The following TMEM236 variants were observed in gnomAD, a reference collection of about 807,000 sequenced individuals.
TMEM236 encodes the protein transmembrane protein 236.
A neutral mutation model predicts 14.7 loss-of-function variants in TMEM236; 11 were observed. That is an observed-to-expected ratio of 0.75 (90% CI 0.47 to 1.24). The LOEUF (loss-of-function observed/expected upper bound fraction) is 1.24. TMEM236 is among the 50% of genes most tolerant of loss of function. The pLI is 0.00. For missense variants in TMEM236, 464 were observed against 427.3 expected (o/e 1.09, Z -0.76); for synonymous variants, 182 against 168.6 (o/e 1.08, Z -0.62).
intron 3 of TMEM236, among the ~76,000 whole-genome samples, chr10:17,789,601 C>A (rs1267670670): frequency 1.3e-5 from 2 of 152,262 alleles, no homozygotes; most frequent in East Asian, 3.9e-4. Flanking sequence ...CAGTGTTTAG[C>A]TGGGTGTGGA....
At chr10:17,774,965 T>C (rs969128087) in intron 2 of TMEM236, among the ~76,000 whole-genome samples, 1 of 151,826 alleles carries the variant, frequency 6.6e-6, no homozygotes, top group African/African-American at 2.4e-5. Context: ...GCCTGGCTAA[T>C]TTTTTTTGTA....
At chr10:17,783,458 G>A (rs903066715) in intron 3 of TMEM236, among the ~76,000 whole-genome samples, 5 of 152,132 alleles carry the variant, frequency 3.3e-5, no homozygotes, top group African/African-American at 9.7e-5. Flanking sequence ...AGAGGTGCCC[G>A]GTATGATGTT....
chr10:17,775,495 G>A (rs936336839), intron 2 of TMEM236, among the ~76,000 whole-genome samples: 2,958 of 152,180 alleles, frequency 0.019, 89 homozygotes, highest in African/African-American at 0.068. Context: ...GGTTGGTCTC[G>A]AGCTCCAGGC....
rs1838028270 is a variant in TMEM236, at chr10:17,797,032, CACCCCCAACCCT to C, written c.*529_*540del. The C allele has an allele frequency of 6.2e-6, 1 of 160,294 alleles. No individual in the cohort carries two copies. The highest frequency in any genetic ancestry group is 1.4e-5 in the Non-Finnish European group (1 of 72,280). 9.9% of individuals were successfully genotyped at this position (160,294 alleles called of 1,614,324 possible). A position where few individuals can be genotyped will look rare whatever the true frequency, so the allele number is the denominator to read the frequency against. ...ACAGTTTCATCCCAGAACCCAACCC[CACCCCCAACCCT>C]GGCTGTGGAAAAATTGTCTTCCACA... is the stretch of plus-strand genomic sequence containing the variant. On this transcript the variant is annotated 3_prime_UTR_variant, in exon 4 of 4. Coordinates refer to ENST00000377495, the MANE Select transcript of TMEM236 (RefSeq NM_001098844.3).
At chr10:17,757,123 A>G (rs1837295276) in intron 1 of TMEM236, among the ~76,000 whole-genome samples, 2 of 152,146 alleles carry the variant, frequency 1.3e-5, no homozygotes, top group Admixed American at 1.3e-4. Flanking sequence ...GCATTATCAT[A>G]TAGTTATCTT....
In TMEM236 at chr10:17,796,445, T is replaced by G. The variant is rs1468079927; in HGVS notation, c.997T>G (p.Tyr333Asp). 16 of 1,613,724 alleles carry G rather than the reference T, an allele frequency of 9.9e-6. No homozygotes were observed. Among genetic ancestry groups the G allele is most frequent in the South Asian group, 3.3e-5 (3 of 91,076 alleles). Reference protein sequence around the residue: ...KNILVTLSYIYFNYLTRIRIF... With the variant: ...KNILVTLSYIDFNYLTRIRIF... ...TATCCTCGTGACTCTCTCTTACATT[T>G]ACTTCAATTACCTAACCAGAATCAG... The change falls in exon 4 of 4, where the codon TAC (tyrosine) becomes GAC (aspartate). Residue 333 changes from tyrosine (Y) to aspartate (D), a missense_variant. By Grantham distance (160) the Tyr-to-Asp change is radical (BLOSUM62 -3). Coordinates refer to ENST00000377495, the MANE Select transcript of TMEM236 (RefSeq NM_001098844.3).
In TMEM236 at chr10:17,752,667, A is replaced by G. The variant is rs958913608; in HGVS notation, c.257+115A>G. On this transcript the variant is annotated intron_variant, in intron 1 of 3. Transcript: ENST00000377495. ...CTGCAACGTCCGCCTCCTGGGTTCA[A>G]GTGATTCTCCTGCCTCAGCCTCCTG... 13 of 1,035,778 alleles carry G rather than the reference A, an allele frequency of 1.3e-5. No homozygotes were observed. The African/African-American group carries it at 2.1e-4, about 16-fold the overall frequency. 64.2% of individuals were successfully genotyped at this position (1,035,778 alleles called of 1,614,324 possible).
chr10:17,786,624 T>A (rs993606551), intron 3 of TMEM236, among the ~76,000 whole-genome samples: 11 of 152,218 alleles, frequency 7.2e-5, no homozygotes, highest in African/African-American at 2.7e-4. Flanking sequence ...ACTTGCTATT[T>A]TGGGACCTTA....
chr10:17,788,990 T>C (rs1450156998), intron 3 of TMEM236, among the ~76,000 whole-genome samples: 5 of 152,322 alleles, frequency 3.3e-5, no homozygotes, highest in African/African-American at 1.2e-4. Context: ...GGAGTGGGGT[T>C]GAGGAGTGGG....
chr10:17,797,252 T>TA lies in TMEM236; in HGVS notation c.*754dup, dbSNP rs1838031849. 6.6e-6 allele frequency: 1 copy of TA among 151,908 alleles called. No homozygotes were observed. The allele number at this position is 151,908 out of a possible 1,614,324, so 9.4% of individuals were successfully genotyped here. A position where few individuals can be genotyped will look rare whatever the true frequency, so the allele number is the denominator to read the frequency against. On this transcript the variant is annotated 3_prime_UTR_variant, in exon 4 of 4. Transcript: ENST00000377495. ...TGAATTGATTGATTAAATTTAGTTT[T>TA]AAAAAACACACTTGAAATTATTGAA...
At chr10:17,753,238 G>T (rs1043172801) in intron 1 of TMEM236, among the ~76,000 whole-genome samples, 34 of 152,136 alleles carry the variant, frequency 2.2e-4, no homozygotes, top group Non-Finnish European at 3.4e-4. Context: ...TGCTTTCAAA[G>T]ATATATTTGT....
Position 17,790,995 on chromosome 10 carries a change from C to T in TMEM236, c.473-4926C>T, listed in dbSNP as rs1036255228. On this transcript the variant is annotated intron_variant, in intron 3 of 3. Coordinates refer to ENST00000377495, the MANE Select transcript of TMEM236 (RefSeq NM_001098844.3). ...TTAGAATAAAATCCAAAACTTTTATCCTGGACCATAAGACTCTCTATAATC... is the reference window on the plus strand; with the variant it reads ...TTAGAATAAAATCCAAAACTTTTATTCTGGACCATAAGACTCTCTATAATC... 2.2e-3 allele frequency among the ~76,000 whole-genome samples: 342 copies of T among 152,292 alleles called. 1 individual carries two copies. The highest frequency in any genetic ancestry group is 8.0e-3 in the African/African-American group (333 of 41,546).
At chr10:17,792,265 T>A (rs1294956198) in intron 3 of TMEM236, among the ~76,000 whole-genome samples, 1 of 152,186 alleles carries the variant, frequency 6.6e-6, no homozygotes, top group Non-Finnish European at 1.5e-5. Context: ...TGTTGTGTAT[T>A]TTTAGTAGGG....
At chr10:17,775,527 G>A (rs1407932607) in intron 2 of TMEM236, among the ~76,000 whole-genome samples, 1 of 152,212 alleles carries the variant, frequency 6.6e-6, no homozygotes, top group African/African-American at 2.4e-5. Flanking sequence ...TCCCACCTCA[G>A]CCCCGCAAAG....
In TMEM236 at chr10:17,752,569, T is replaced by C; in HGVS notation, c.257+17T>C. 2 of 1,610,840 alleles carry C rather than the reference T, an allele frequency of 1.2e-6. No individual in the cohort carries two copies. Among genetic ancestry groups the C allele is most frequent in the Non-Finnish European group, 1.7e-6 (2 of 1,177,290 alleles). On this transcript the variant is annotated intron_variant, in intron 1 of 3. Transcript: ENST00000377495. ...TAAAGGATGGTAAGTAAAAGAATTT[T>C]CTTTTTTTTCTTTTTGATTTGGAGT...
At chr10:17,780,517 C>G (rs1048628789) in intron 3 of TMEM236, among the ~76,000 whole-genome samples, 1 of 152,080 alleles carries the variant, frequency 6.6e-6, no homozygotes, top group East Asian at 1.9e-4. Flanking sequence ...TTCATTTTAT[C>G]TAAGGTGATG....
At chr10:17,765,504 G>A (rs1482476190) in intron 1 of TMEM236, among the ~76,000 whole-genome samples, 2 of 152,056 alleles carry the variant, frequency 1.3e-5, no homozygotes, top group East Asian at 1.9e-4. Flanking sequence ...ATTCCTCCTG[G>A]GTCAGAGTTT....
chr10:17,754,261 C>T (rs1554833587), intron 1 of TMEM236, among the ~76,000 whole-genome samples: 22 of 152,144 alleles, frequency 1.4e-4, no homozygotes, highest in South Asian at 6.2e-4. Flanking sequence ...TGCAGGCTTA[C>T]GTCATACTTT....
chr10:17,753,622 C>A (rs1234529987), intron 1 of TMEM236, among the ~76,000 whole-genome samples: 2 of 152,184 alleles, frequency 1.3e-5, no homozygotes, highest in Non-Finnish European at 2.9e-5. Context: ...AGTATATATG[C>A]CACATTTTCT....
Sources: gnomAD v4.1 joint callset for allele counts (sites outside exome capture counted in the v4.1 genomes callset) on GRCh38, gnomAD v4.1.1 for gene constraint, MANE v1.5 for transcripts, NCBI Gene and HGNC (gene_info 2026-07-23, HGNC 2026-07-21) for gene names.